The following CHODL variants were observed in gnomAD, a reference collection of about 807,000 sequenced individuals.
CHODL encodes chondrolectin, also known as transmembrane protein MT75.
CHODL carries 29 observed loss-of-function variants against 34.5 expected under a neutral mutation model. The ratio of observed to expected loss-of-function variants is 0.84; its 90% CI spans 0.63 to 1.15. CHODL has a LOEUF of 1.15. Ranked by LOEUF, CHODL falls within the 50% of genes most tolerant of loss-of-function variation. The pLI, the probability that CHODL is intolerant of heterozygous loss-of-function variation, is 0.00. For synonymous variants in CHODL, 125 were observed against 116.1 expected, an observed-to-expected ratio of 1.08 and a Z score of -0.49; for missense variants, 332 against 332.5, an observed-to-expected ratio of 1.00 and a Z score of 0.01.
chr21:18,052,824 C>T (rs1356452405), intron 2 of CHODL, among the ~76,000 whole-genome samples: 3 of 151,856 alleles, frequency 2.0e-5, no homozygotes, highest in African/African-American at 7.2e-5. Flanking sequence ...GAGTTTGTCA[C>T]TTTTGATTTT....
At chr21:18,084,213 C>T (rs1230992264) in intron 2 of CHODL, among the ~76,000 whole-genome samples, 2 of 152,130 alleles carry the variant, frequency 1.3e-5, no homozygotes, top group Non-Finnish European at 1.5e-5. Flanking sequence ...TGCTTCTTTC[C>T]CTTTCATCTT....
chr21:18,230,759 A>T, intron 2 of CHODL, among the ~76,000 whole-genome samples: 1 of 152,122 alleles, frequency 6.6e-6, no homozygotes, highest in East Asian at 1.9e-4. Context: ...ACCAATCAAA[A>T]GGTAAAATGT....
At chr21:18,016,933 G>A (rs561119151) in intron 1 of CHODL, among the ~76,000 whole-genome samples, 3 of 152,364 alleles carry the variant, frequency 2.0e-5, no homozygotes, top group African/African-American at 7.2e-5. Context: ...GGACTTGCAT[G>A]GGGCCTGCGG....
chr21:18,117,159 A>C (rs138683698), intron 2 of CHODL, among the ~76,000 whole-genome samples: 2 of 152,338 alleles, frequency 1.3e-5, no homozygotes, highest in East Asian at 3.9e-4. Flanking sequence ...ATGAGCTGTC[A>C]TAATAGTAGA....
rs192504206 is a variant in CHODL at position 17,999,283 on chromosome 21, C to T, written c.-144-28589C>T. On this transcript the variant is annotated intron_variant, in intron 1 of 6. Transcript: ENST00000400127. ...ACCTTATTGTTCATATCACTTTCCG[C>T]ATTTTTGTCAAAGCCATTCAGCAAG... is the stretch of plus-strand genomic sequence containing the variant. 7.3e-4 allele frequency among the ~76,000 whole-genome samples: 111 copies of T among 152,304 alleles called. 2 individuals are homozygous for T. The highest frequency in any genetic ancestry group is 8.8e-5 in the Non-Finnish European group (6 of 68,026).
chr21:18,048,550 G>A (rs2064473586), intron 2 of CHODL, among the ~76,000 whole-genome samples: 1 of 151,610 alleles, frequency 6.6e-6, no homozygotes, highest in South Asian at 2.1e-4. Flanking sequence ...ATATGTAGCA[G>A]CAAAAGAAAG....
intron 2 of CHODL, among the ~76,000 whole-genome samples, chr21:18,117,783 A>T (rs2065431609): frequency 6.6e-6 from 1 of 152,076 alleles, no homozygotes; most frequent in South Asian, 2.1e-4. Context: ...GGTAGTTGTT[A>T]TTTTAAAATT....
chr21:18,187,901 C>A (rs1306916477), intron 2 of CHODL, among the ~76,000 whole-genome samples: 1 of 151,910 alleles, frequency 6.6e-6, no homozygotes, highest in Non-Finnish European at 1.5e-5. Flanking sequence ...CATCTTTTTT[C>A]TTTGTTTACC....
At chr21:18,005,912 A>C (rs896334263) in intron 1 of CHODL, among the ~76,000 whole-genome samples, 20 of 152,124 alleles carry the variant, frequency 1.3e-4, no homozygotes, top group Non-Finnish European at 2.1e-4. Context: ...CCCAAATCTC[A>C]TCTTGAATTG....
At chr21:18,250,058 G>C (rs2074216580) in intron 1 of CHODL, among the ~76,000 whole-genome samples, 1 of 152,152 alleles carries the variant, frequency 6.6e-6, no homozygotes, top group African/African-American at 2.4e-5. Context: ...TGGTAGAAAT[G>C]AGGTGCTACA....
At chr21:18,124,985 C>T (rs2065524260) in intron 2 of CHODL, among the ~76,000 whole-genome samples, 1 of 152,138 alleles carries the variant, frequency 6.6e-6, no homozygotes, top group African/African-American at 2.4e-5. Context: ...TGTCTAAATC[C>T]AGGTCTAGGA....
intron 2 of CHODL, among the ~76,000 whole-genome samples, chr21:18,189,163 C>G (rs1053372207): frequency 1.3e-5 from 2 of 152,050 alleles, no homozygotes; most frequent in African/African-American, 4.8e-5. Context: ...ACAAGTGACT[C>G]CATTTTGAGT....
chr21:17,949,463 T>G (rs1442059461), intron 1 of CHODL, among the ~76,000 whole-genome samples: 2 of 152,122 alleles, frequency 1.3e-5, no homozygotes, highest in African/African-American at 4.8e-5. Flanking sequence ...GTTAAAGAAA[T>G]AAATTCAGTC....
intron 2 of CHODL, among the ~76,000 whole-genome samples, chr21:18,028,289 TCC>T (rs1215086509): frequency 7.5e-6 from 1 of 133,478 alleles, no homozygotes; most frequent in East Asian, 2.7e-4. Context: ...CTTCCTTCCT[TCC>T]TTCCTTCCTT....
chr21:18,025,114 A>C (rs2064161720), intron 1 of CHODL, among the ~76,000 whole-genome samples: 1 of 152,186 alleles, frequency 6.6e-6, no homozygotes, highest in African/African-American at 2.4e-5. Context: ...GATTCTGCTA[A>C]TCAGGTTCAG....
At chr21:17,989,678 A>G (rs1343259007) in intron 1 of CHODL, among the ~76,000 whole-genome samples, 4 of 152,162 alleles carry the variant, frequency 2.6e-5, no homozygotes, top group African/African-American at 7.2e-5. Flanking sequence ...CCAACCCCAG[A>G]GATTCTGGGA....
intron 2 of CHODL, among the ~76,000 whole-genome samples, chr21:18,111,390 AC>A (rs555067768): frequency 1.6e-3 from 245 of 152,336 alleles, no homozygotes; most frequent in Non-Finnish European, 2.9e-3. Flanking sequence ...TTTGTTACTT[AC>A]ATGCCAAATC....
chr21:18,245,959 T>A (rs915948093), intron 1 of CHODL: 20 of 1,534,270 alleles, frequency 1.3e-5, no homozygotes, highest in Non-Finnish European at 1.7e-5. Context: ...TGACTGCAGG[T>A]TCGGCACACA....
intron 2 of CHODL, among the ~76,000 whole-genome samples, chr21:18,137,645 CA>C (rs1601055186): frequency 1.3e-5 from 2 of 148,796 alleles, no homozygotes; most frequent in East Asian, 3.8e-4. Context: ...CTTTCTTAAA[CA>C]AAATTGTCAT....
Sources: gnomAD v4.1 joint callset for allele counts (sites outside exome capture counted in the v4.1 genomes callset) on GRCh38, gnomAD v4.1.1 for gene constraint, MANE v1.5 for transcripts, NCBI Gene and HGNC (gene_info 2026-07-23, HGNC 2026-07-21) for gene names.